Variants in ZNF385B observed in about 807,000 individuals in gnomAD.
The protein encoded by ZNF385B is zinc finger protein 385B.
ZNF385B carries 23 observed loss-of-function variants against 39.2 expected under a neutral mutation model. The ratio of observed to expected loss-of-function variants is 0.59; its 90% CI spans 0.42 to 0.83. ZNF385B has a LOEUF of 0.83. ZNF385B is among the 40% of genes least tolerant of loss of function. The probability of loss-of-function intolerance (pLI) is 0.00; values close to 1 mark genes in which losing one functional copy is unlikely to be tolerated. For missense variants in ZNF385B, 552 were observed against 598.9 expected (o/e 0.92, Z 0.82); for synonymous variants, 205 against 222.6 (o/e 0.92, Z 0.70).
At chr2:179,776,773 A>T (rs1169714050) in intron 1 of ZNF385B, among the ~76,000 whole-genome samples, 1 of 152,156 alleles carries the variant, frequency 6.6e-6, no homozygotes, top group Non-Finnish European at 1.5e-5. Context: ...GGGGCTCAAA[A>T]AATGTTCAGG....
intron 3 of ZNF385B, among the ~76,000 whole-genome samples, chr2:179,750,806 C>A (rs1344539458): frequency 1.3e-5 from 2 of 152,042 alleles, no homozygotes; most frequent in Admixed American, 6.6e-5. Flanking sequence ...AGTGCACTTA[C>A]TGGTAGAAAC....
intron 3 of ZNF385B, among the ~76,000 whole-genome samples, chr2:179,630,930 A>C (rs1467201920): frequency 2.0e-5 from 3 of 152,242 alleles, no homozygotes; most frequent in African/African-American, 7.2e-5. Context: ...GTGATTGAAA[A>C]TCAAATGAAT....
intron 3 of ZNF385B, among the ~76,000 whole-genome samples, chr2:179,667,403 TC>T (rs542391894): frequency 6.6e-6 from 1 of 151,774 alleles, no homozygotes; most frequent in Non-Finnish European, 1.5e-5. Flanking sequence ...TTAGTCTCCC[TC>T]CCCCCCACCA....
chr2:179,524,771 A>G (rs1212748312), intron 4 of ZNF385B, among the ~76,000 whole-genome samples: 1 of 152,106 alleles, frequency 6.6e-6, no homozygotes, highest in African/African-American at 2.4e-5. Flanking sequence ...CCATTAAGCA[A>G]AACAATGAGG....
chr2:179,627,984 A>C (rs1434491653), intron 3 of ZNF385B, among the ~76,000 whole-genome samples: 1 of 152,178 alleles, frequency 6.6e-6, no homozygotes, highest in Non-Finnish European at 1.5e-5. Context: ...ATCGAGATTT[A>C]ATATTTATCA....
At chr2:179,725,469 T>C (rs1237661038) in intron 3 of ZNF385B, among the ~76,000 whole-genome samples, 1 of 151,886 alleles carries the variant, frequency 6.6e-6, no homozygotes, top group African/African-American at 2.4e-5. Context: ...ACACACATTT[T>C]CTTCCAAGAT....
chr2:179,681,940 T>C (rs963620921), intron 3 of ZNF385B, among the ~76,000 whole-genome samples: 1 of 152,238 alleles, frequency 6.6e-6, no homozygotes, highest in African/African-American at 2.4e-5. Context: ...GATTTACATA[T>C]GAGGATGTTT....
intron 4 of ZNF385B, among the ~76,000 whole-genome samples, chr2:179,523,544 TG>T (rs1451013932): frequency 6.6e-6 from 1 of 152,028 alleles, no homozygotes; most frequent in Non-Finnish European, 1.5e-5. Context: ...TCAAGCGACT[TG>T]ACATAATACT....
chr2:179,857,148 T>A (rs1388347298), intron 1 of ZNF385B, among the ~76,000 whole-genome samples: 2 of 152,210 alleles, frequency 1.3e-5, no homozygotes. Flanking sequence ...GGTTCTACTA[T>A]AAAAACCATG....
chr2:179,820,690 AACTT>A (rs1707348850), intron 1 of ZNF385B, among the ~76,000 whole-genome samples: 1 of 152,068 alleles, frequency 6.6e-6, no homozygotes, highest in African/African-American at 2.4e-5. Context: ...TTTGACATGA[AACTT>A]ACTTCTTTGA....
At chr2:179,655,052 C>T (rs186307370) in intron 3 of ZNF385B, among the ~76,000 whole-genome samples, 5 of 152,206 alleles carry the variant, frequency 3.3e-5, no homozygotes, top group East Asian at 1.9e-4. Context: ...AAAACTCTGC[C>T]GTTTCAACTC....
intron 3 of ZNF385B, among the ~76,000 whole-genome samples, chr2:179,728,910 C>T (rs1402799820): frequency 6.6e-6 from 1 of 151,928 alleles, no homozygotes; most frequent in Non-Finnish European, 1.5e-5. Flanking sequence ...TCAGGTAGCA[C>T]AAGTACTTTT....
At chr2:179,661,803 T>A (rs149213640) in intron 3 of ZNF385B, among the ~76,000 whole-genome samples, 1 of 152,350 alleles carries the variant, frequency 6.6e-6, no homozygotes, top group Non-Finnish European at 1.5e-5. Context: ...TCAATATCAG[T>A]GTGTGCATGA....
intron 1 of ZNF385B, among the ~76,000 whole-genome samples, chr2:179,821,458 T>C (rs961118621): frequency 1.3e-5 from 2 of 151,672 alleles, no homozygotes; most frequent in Non-Finnish European, 2.9e-5. Context: ...CAAATGAGAG[T>C]TCCGTTCTTT....
intron 3 of ZNF385B, among the ~76,000 whole-genome samples, chr2:179,708,175 C>A (rs1699754745): frequency 6.6e-6 from 1 of 152,188 alleles, no homozygotes; most frequent in East Asian, 1.9e-4. Flanking sequence ...CCCTAGAATC[C>A]CCACATGTCG....
intron 5 of ZNF385B, among the ~76,000 whole-genome samples, chr2:179,497,971 G>T (rs561584723): frequency 6.6e-6 from 1 of 151,970 alleles, no homozygotes; most frequent in Non-Finnish European, 1.5e-5. Context: ...GACAAAGAAG[G>T]TCACTATATA....
At chr2:179,626,592 A>G (rs1268158168) in intron 3 of ZNF385B, among the ~76,000 whole-genome samples, 1 of 152,190 alleles carries the variant, frequency 6.6e-6, no homozygotes, top group Non-Finnish European at 1.5e-5. Context: ...GGCTTAACTT[A>G]TAATTCAGAT....
At chr2:179,789,277 A>T (rs1705186402) in intron 1 of ZNF385B, among the ~76,000 whole-genome samples, 1 of 152,222 alleles carries the variant, frequency 6.6e-6, no homozygotes, top group Non-Finnish European at 1.5e-5. Context: ...TAGGTTCTTA[A>T]ATCAAAGTTA....
intron 5 of ZNF385B, among the ~76,000 whole-genome samples, chr2:179,493,803 A>ATACATATATG (rs1559338789): frequency 1.7e-5 from 2 of 119,636 alleles, no homozygotes; most frequent in Admixed American, 8.8e-5. Context: ...ACATATATGT[A>ATACATATATG]TATATACATA....
Sources: gnomAD v4.1 joint callset for allele counts (sites outside exome capture counted in the v4.1 genomes callset) on GRCh38, gnomAD v4.1.1 for gene constraint, MANE v1.5 for transcripts, NCBI Gene and HGNC (gene_info 2026-07-23, HGNC 2026-07-21) for gene names.